Variants in CADPS observed in about 807,000 individuals in gnomAD.
CADPS encodes calcium dependent secretion activator.
CADPS carries 57 observed loss-of-function variants against 167.3 expected under a neutral mutation model. The observed-to-expected ratio is 0.34, with a 90% CI of 0.28 to 0.42. The LOEUF is 0.42. Ranked by LOEUF, CADPS falls within the 20% of genes least tolerant of loss-of-function variation. The pLI is 1.00. For missense variants in CADPS, 1,414 were observed against 1,738.1 expected (o/e 0.81, Z 3.32); for synonymous variants, 676 against 635.3 (o/e 1.06, Z -0.96).
chr3:62,599,808 A>T (rs188183612), intron 6 of CADPS, among the ~76,000 whole-genome samples: 171 of 6,038 alleles, frequency 0.028, 3 homozygotes, highest in Middle Eastern at 0.1. Context: ...ATATATAATA[A>T]ATAATATATT....
At chr3:62,749,443 G>C (rs2082220121) in intron 3 of CADPS, among the ~76,000 whole-genome samples, 1 of 152,200 alleles carries the variant, frequency 6.6e-6, no homozygotes, top group East Asian at 1.9e-4. Flanking sequence ...TGCGTAAGAG[G>C]AAAACATTAA....
chr3:62,810,070 G>A (rs1173585832), intron 1 of CADPS, among the ~76,000 whole-genome samples: 2 of 152,064 alleles, frequency 1.3e-5, no homozygotes, highest in Non-Finnish European at 1.5e-5. Flanking sequence ...TTCTAACTCT[G>A]CTGCTAAGGA....
intron 6 of CADPS, among the ~76,000 whole-genome samples, chr3:62,637,111 A>G (rs1373438553): frequency 1.3e-5 from 2 of 152,110 alleles, no homozygotes; most frequent in Non-Finnish European, 2.9e-5. Flanking sequence ...AGAGGTTACA[A>G]TATGCTGGTC....
intron 26 of CADPS, among the ~76,000 whole-genome samples, chr3:62,454,613 A>G (rs2058467868): frequency 6.6e-6 from 1 of 152,336 alleles, no homozygotes; most frequent in African/African-American, 2.4e-5. Flanking sequence ...AACAAAATGT[A>G]TTATAATATT....
At chr3:62,658,571 G>A (rs922078242) in intron 4 of CADPS, among the ~76,000 whole-genome samples, 1 of 152,150 alleles carries the variant, frequency 6.6e-6, no homozygotes, top group African/African-American at 2.4e-5. Context: ...TCATTAGGTT[G>A]TTGGAGGGTT....
intron 6 of CADPS, among the ~76,000 whole-genome samples, chr3:62,599,851 TAA>T (rs1562719110): frequency 4.2e-4 from 4 of 9,474 alleles, no homozygotes; most frequent in Non-Finnish European, 2.2e-4. Context: ...TATATATATA[TAA>T]TATATATAAT....
In CADPS at chr3:62,474,170, T is replaced by TTTTTTTTTTTTTTTTAAA; in HGVS notation, c.3477+2_3477+3insTTTAAAAAAAAAAAAAAA. 4.7e-6 allele frequency: 7 copies of TTTTTTTTTTTTTTTTAAA among 1,475,394 alleles called. No individual in the cohort carries two copies. The highest frequency in any genetic ancestry group is 1.5e-5 in the African/African-American group (1 of 67,924). 91.4% of individuals were successfully genotyped at this position (1,475,394 alleles called of 1,614,324 possible). On this transcript the variant is annotated splice_region_variant and intron_variant, in intron 24 of 29. Coordinates refer to ENST00000383710, the MANE Select transcript of CADPS (RefSeq NM_003716.4). ...AAATCTGTATTTTTTTTTTTTTTTT[T>TTTTTTTTTTTTTTTTAAA]ACCTCTTGGCCCATTTCCATGCTGC...
intron 6 of CADPS, among the ~76,000 whole-genome samples, chr3:62,637,568 C>T (rs576737233): frequency 2.6e-5 from 4 of 152,214 alleles, no homozygotes; most frequent in Middle Eastern, 3.4e-3. Flanking sequence ...TGCGCCAGCA[C>T]GTTCATCTCC....
chr3:62,716,960 A>C (rs1303161410), intron 3 of CADPS, among the ~76,000 whole-genome samples: 2 of 152,174 alleles, frequency 1.3e-5, no homozygotes, highest in Middle Eastern at 3.2e-3. Context: ...AGTGAAGCTC[A>C]CGATGTAGAC....
At chr3:62,515,040 G>A (rs2068657677) in intron 16 of CADPS, among the ~76,000 whole-genome samples, 3 of 152,122 alleles carry the variant, frequency 2.0e-5, no homozygotes, top group South Asian at 2.1e-4. Flanking sequence ...GACACGTAAT[G>A]TACAGAACAC....
At chr3:62,713,569 G>A (rs997307613) in intron 3 of CADPS, among the ~76,000 whole-genome samples, 2 of 152,196 alleles carry the variant, frequency 1.3e-5, no homozygotes, top group Non-Finnish European at 2.9e-5. Flanking sequence ...ACTGCCCCTG[G>A]GCTGCTATTC....
chr3:62,408,065 G>T (rs551655520), intron 28 of CADPS, among the ~76,000 whole-genome samples: 1 of 152,258 alleles, frequency 6.6e-6, no homozygotes, highest in Non-Finnish European at 1.5e-5. Context: ...GTGACAGAAA[G>T]ACATTTTTTT....
chr3:62,549,169 G>A (rs1193356383), intron 11 of CADPS, among the ~76,000 whole-genome samples: 2 of 152,132 alleles, frequency 1.3e-5, no homozygotes, highest in Non-Finnish European at 2.9e-5. Flanking sequence ...TGAATGTTTG[G>A]AACGAAAATG....
chr3:62,633,061 A>C (rs1349619759), intron 6 of CADPS, among the ~76,000 whole-genome samples: 1 of 152,126 alleles, frequency 6.6e-6, no homozygotes, highest in African/African-American at 2.4e-5. Context: ...GCAGAGCAGC[A>C]TCTGGTGGTA....
chr3:62,821,120 C>G (rs1231407752), intron 1 of CADPS, among the ~76,000 whole-genome samples: 1 of 152,008 alleles, frequency 6.6e-6, no homozygotes, highest in African/African-American at 2.4e-5. Context: ...CTTAAACATC[C>G]CTCTTGGAAA....
rs1333336030 is a variant in CADPS at position 62,446,644 on chromosome 3, A to G, written c.3637-847T>C. Among the ~76,000 whole-genome samples, 2 of 152,342 alleles carry G rather than the reference A, an allele frequency of 1.3e-5. No homozygotes were observed. The highest frequency in any genetic ancestry group is 3.9e-4 in the East Asian group (2 of 5,190). ...ACACTTAGCCCCAGGATGTAAATAC[A>G]GAACAAATGGCAGCTAAGACGATGA... On this transcript the variant is annotated intron_variant, in intron 26 of 29. Transcript: ENST00000383710. This position sits in a 1 kb window ranked among gnomAD's most constrained non-coding sequence, Gnocchi z 4.9.
At chr3:62,741,278 G>A (rs367822765) in intron 3 of CADPS, among the ~76,000 whole-genome samples, 1 of 152,144 alleles carries the variant, frequency 6.6e-6, no homozygotes, top group East Asian at 1.9e-4. Flanking sequence ...ATTTTATAAG[G>A]CCAGCATCAT....
At chr3:62,704,066 T>C (rs1262677079) in intron 3 of CADPS, among the ~76,000 whole-genome samples, 1 of 152,060 alleles carries the variant, frequency 6.6e-6, no homozygotes, top group Non-Finnish European at 1.5e-5. Context: ...AGATTTTAGG[T>C]ACTGGGGACA....
At chr3:62,853,888 T>C (rs779842627) in intron 1 of CADPS, among the ~76,000 whole-genome samples, 2 of 151,820 alleles carry the variant, frequency 1.3e-5, no homozygotes, top group Non-Finnish European at 2.9e-5. Context: ...CCTGGGAGGT[T>C]GAGGCTCCAG....
Sources: allele counts gnomAD v4.1 joint callset (sites outside exome capture counted in the v4.1 genomes callset), GRCh38; gene constraint gnomAD v4.1.1; non-coding constraint Gnocchi (gnomAD v3.1); transcripts MANE v1.5; gene names NCBI Gene and HGNC (gene_info 2026-07-23, HGNC 2026-07-21).